NR2F2: variants seen among roughly 807,000 people sequenced by gnomAD.
NR2F2 encodes the protein COUP transcription factor 2.
A neutral mutation model predicts 34.8 loss-of-function variants in NR2F2; 2 were observed. That is an observed-to-expected ratio of 0.06 (90% confidence interval 0.02 to 0.18). The LOEUF (loss-of-function observed/expected upper bound fraction) is 0.18, where lower values mean the gene tolerates loss of function less well. Ranked by LOEUF, NR2F2 falls within the 10% of genes least tolerant of loss-of-function variation. The pLI, the probability that NR2F2 is intolerant of heterozygous loss-of-function variation, is 1.00. For synonymous variants in NR2F2, 274 were observed against 251.8 expected (o/e 1.09, Z -0.84); for missense variants, 300 against 580.1 (o/e 0.52, Z 4.96).
chr15:96,336,052 G>T (rs967954877), intron 2 of NR2F2, among the ~76,000 whole-genome samples: 5 of 152,084 alleles, frequency 3.3e-5, no homozygotes, highest in African/African-American at 7.2e-5. Flanking sequence ...CTTCACCCCT[G>T]TCCCACAACC....
chr15:96,332,179 A>G lies in NR2F2; in HGVS notation c.74A>G (p.Gln25Arg). The G allele has an allele frequency of 1.5e-6, 2 of 1,329,992 alleles. No homozygotes were observed. Among genetic ancestry groups the G allele is most frequent in the Non-Finnish European group, 1.9e-6 (2 of 1,042,782 alleles). The allele number at this position is 1,329,992 out of a possible 1,614,324, so 82.4% of individuals were successfully genotyped here. ...GGCTCACAGGGCAGCCAGGCCTCGC[A>G]GGCGCCGCCCGTGCCCGGCCCGCCG... is the stretch of plus-strand genomic sequence containing the variant. ...VPGSQGSQASQAPPVPGPPPG... is the reference protein window; with the variant it reads ...VPGSQGSQASRAPPVPGPPPG... Residue 25 changes from glutamine (Q) to arginine (R), a missense_variant, in exon 1 of 3, where the codon CAG becomes CGG. Around this residue, in one of 6 missense-constraint regions of NR2F2, gnomAD observed 105 missense variants for 107.8 expected, o/e 0.97. Transcript: ENST00000394166.
chr15:96,332,583 G>T, intron 1 of NR2F2, 36 bp downstream of exon 1: 1 of 1,596,002 alleles, frequency 6.3e-7, no homozygotes, highest in African/African-American at 1.3e-5. Flanking sequence ...CTCGTCCTGG[G>T]TCCCGGGGTC....
rs1011515266 is a variant in NR2F2, at chr15:96,340,068, T to A, written c.*2446T>A. On this transcript the variant is annotated 3_prime_UTR_variant, in exon 3 of 3. Coordinates refer to ENST00000394166, the MANE Select transcript of NR2F2 (RefSeq NM_021005.4). The stretch of plus-strand genomic sequence containing the variant: ...ACGGCACAGTATTGCTGACCTTTAG[T>A]TCGAGGTTTTGTCGGTTGTTGTTGA... 6.6e-6 allele frequency: 1 copy of A among 152,202 alleles called. No homozygotes were observed. The highest frequency in any genetic ancestry group is 1.5e-5 in the Non-Finnish European group (1 of 68,042). The allele number at this position is 152,202 out of a possible 1,614,324, so 9.4% of individuals were successfully genotyped here. A position where few individuals can be genotyped will look rare whatever the true frequency, so the allele number is the denominator to read the frequency against.
In NR2F2 at chr15:96,331,982, GCCCTCTTGCA is replaced by G; in HGVS notation, c.-118_-109del. On this transcript the variant is annotated 5_prime_UTR_variant, in exon 1 of 3. Coordinates refer to ENST00000394166, the MANE Select transcript of NR2F2 (RefSeq NM_021005.4). The stretch of plus-strand genomic sequence containing the variant: ...CGAGCCACCCGGGGCGCCCTCCCGC[GCCCTCTTGCA>G]CCCTCGCACACACAAAAGGCGGCGC... 1 of 1,205,842 alleles carries G rather than the reference GCCCTCTTGCA, an allele frequency of 8.3e-7. No homozygotes were observed. Among genetic ancestry groups the G allele is most frequent in the South Asian group, 4.0e-5 (1 of 24,920 alleles). The allele number at this position is 1,205,842 out of a possible 1,614,324, so 74.7% of individuals were successfully genotyped here.
At position 96,338,510 on chromosome 15, in the gene NR2F2, A is replaced by T. The variant is rs956869300; in HGVS notation, c.*888A>T. 1 of 152,600 alleles carries T rather than the reference A, an allele frequency of 6.6e-6. No homozygotes were observed. The allele number at this position is 152,600 out of a possible 1,614,324, so 9.5% of individuals were successfully genotyped here. ...GTTCTTGAATTGTTATGAAAATCCT[A>T]TATCTGTTTGTATATTTGCAAACCC... On this transcript the variant is annotated 3_prime_UTR_variant, in exon 3 of 3. Coordinates refer to ENST00000394166, the MANE Select transcript of NR2F2 (RefSeq NM_021005.4).
Position 96,334,488 on chromosome 15 carries a change from G to A in NR2F2, c.855G>A (p.Val285=), listed in dbSNP as rs759562272. 3 of 1,613,990 alleles carry A rather than the reference G, an allele frequency of 1.9e-6. No individual in the cohort carries two copies. In the East Asian group the frequency reaches 6.7e-5, roughly 36 times the overall value. ...LHASPMSADR[V]VAFMDHIRIF... ...CTTCGCCCATGTCCGCCGACCGGGT[G>A]GTCGCCTTTATGGACCACATACGGA... Residue 285 remains valine (V), a synonymous_variant, in exon 2 of 3, where the codon GTG becomes GTA. Transcript: ENST00000394166.
Position 96,334,158 on chromosome 15 carries a change from C to G in NR2F2, c.525C>G (p.His175Gln). ...CCAACGGGGATCCCCTCAACTGCCA[C>G]TCGTACCTGTCCGGATATATTTCCC... is the stretch of plus-strand genomic sequence containing the variant. ...ALTNGDPLNC[H>Q]SYLSGYISLL... is the part of the protein sequence containing the mutation. The change falls in exon 2 of 3, where the codon CAC becomes CAG. Residue 175 changes from histidine (H) to glutamine (Q), a missense_variant. This residue lies in a region of NR2F2 where 164 missense variants were observed against 365.3 expected (regional missense o/e 0.45). Coordinates refer to ENST00000394166, the MANE Select transcript of NR2F2 (RefSeq NM_021005.4). The G allele has an allele frequency of 6.2e-7, 1 of 1,614,092 alleles. No homozygotes were observed. The highest frequency in any genetic ancestry group is 1.1e-5 in the South Asian group (1 of 91,090).
At chr15:96,333,330 C>G in intron 1 of NR2F2, 2 of 1,001,468 alleles carry the variant, frequency 2.0e-6, no homozygotes, top group Non-Finnish European at 2.4e-6. Context: ...TCTGCGAGAG[C>G]GACTCTCCCG....
In NR2F2 at chr15:96,334,463, C is replaced by G. The variant is rs747987863; in HGVS notation, c.830C>G (p.Ala277Gly). 1 of 1,614,038 alleles carries G rather than the reference C, an allele frequency of 6.2e-7. No homozygotes were observed. Among genetic ancestry groups the G allele is most frequent in the Non-Finnish European group, 8.5e-7 (1 of 1,180,004 alleles). Residue 277 changes from alanine to glycine, a missense_variant, in exon 2 of 3, where the codon GCT becomes GGT. Ala to Gly is a moderately conservative substitution (Grantham distance 60). Transcript: ENST00000394166. Reference protein sequence around the residue: ...APLLAAAGLHASPMSADRVVA... With the variant: ...APLLAAAGLHGSPMSADRVVA... ...CTCCTGGCCGCCGCCGGCCTGCATGCTTCGCCCATGTCCGCCGACCGGGTG... is the reference window on the plus strand; with the variant it reads ...CTCCTGGCCGCCGCCGGCCTGCATGGTTCGCCCATGTCCGCCGACCGGGTG...
intron 2 of NR2F2, among the ~76,000 whole-genome samples, chr15:96,336,304 C>T (rs1411100918): frequency 1.3e-5 from 2 of 152,130 alleles, no homozygotes; most frequent in East Asian, 1.9e-4. Context: ...CCGAGGATGC[C>T]GAGGGAAGGA....
intron 2 of NR2F2, among the ~76,000 whole-genome samples, chr15:96,336,163 A>G (rs1291005148): frequency 6.6e-6 from 1 of 152,140 alleles, no homozygotes; most frequent in East Asian, 1.9e-4. Context: ...GGAAAAAAAA[A>G]TGCCTGATAC....
At chr15:96,336,189 A>G (rs1351350539) in intron 2 of NR2F2, among the ~76,000 whole-genome samples, 2 of 152,180 alleles carry the variant, frequency 1.3e-5, no homozygotes, top group Non-Finnish European at 2.9e-5. Flanking sequence ...TTAACAGTTT[A>G]ATTTATGACT....
chr15:96,329,525 A>G (rs1185842410), upstream of NR2F2, among the ~76,000 whole-genome samples: 1 of 152,210 alleles, frequency 6.6e-6, no homozygotes, highest in Non-Finnish European at 1.5e-5. Flanking sequence ...TTTAATGACT[A>G]TATGAATGCT....
At position 96,334,542 on chromosome 15, in the gene NR2F2, G is replaced by A; in HGVS notation, c.909G>A (p.Lys303=). ...TCCAAGAGCAAGTGGAGAAGCTCAA[G>A]GCGCTGCACGTTGACTCAGCCGAGT... ...RIFQEQVEKL[K]ALHVDSAEYS... is the part of the protein sequence containing the mutation. Residue 303 remains lysine (K), a synonymous_variant, in exon 2 of 3, where the codon AAG becomes AAA. Coordinates refer to ENST00000394166, the MANE Select transcript of NR2F2 (RefSeq NM_021005.4). The A allele has an allele frequency of 6.2e-7, 1 of 1,613,376 alleles. No individual in the cohort carries two copies. The highest frequency in any genetic ancestry group is 1.3e-5 in the African/African-American group (1 of 75,062).
intron 2 of NR2F2, among the ~76,000 whole-genome samples, 165 bp downstream of exon 2, chr15:96,334,768 C>T (rs1199146894): frequency 2.0e-5 from 3 of 152,270 alleles, no homozygotes; most frequent in Non-Finnish European, 4.4e-5. Context: ...CACTACCAGG[C>T]CTGTCCTGGG....
intron 1 of NR2F2, chr15:96,333,872 C>G: frequency 7.0e-7 from 1 of 1,430,658 alleles, no homozygotes; most frequent in Non-Finnish European, 9.1e-7. Context: ...GTGTGCCCCT[C>G]TGGCCCTCAG....
chr15:96,331,573 C>T lies in NR2F2; in HGVS notation c.-533C>T. 1.6e-6 allele frequency: 2 copies of T among 1,220,028 alleles called. No individual in the cohort carries two copies. Among genetic ancestry groups the T allele is most frequent in the Non-Finnish European group, 2.0e-6 (2 of 982,460 alleles). 75.6% of individuals were successfully genotyped at this position (1,220,028 alleles called of 1,614,324 possible). On this transcript the variant is annotated 5_prime_UTR_variant, in exon 1 of 3. Coordinates refer to ENST00000394166, the MANE Select transcript of NR2F2 (RefSeq NM_021005.4). ...ACCTCCTCCTTCACCACCACCTCCT[C>T]TTCCTCCTCCTCCTCCTCCTCCTCC...
Position 96,331,665 on chromosome 15 carries a change from T to TGAGAGC in NR2F2, c.-437_-432dup, listed in dbSNP as rs1899147777. 8.9e-7 allele frequency: 1 copy of TGAGAGC among 1,125,922 alleles called. No homozygotes were observed. Among genetic ancestry groups the TGAGAGC allele is most frequent in the African/African-American group, 1.6e-5 (1 of 61,126 alleles). 69.7% of individuals were successfully genotyped at this position (1,125,922 alleles called of 1,614,324 possible). A position where few individuals can be genotyped will look rare whatever the true frequency, so the allele number is the denominator to read the frequency against. On this transcript the variant is annotated 5_prime_UTR_variant, in exon 1 of 3. Coordinates refer to ENST00000394166, the MANE Select transcript of NR2F2 (RefSeq NM_021005.4). ...GTGAACGAGAGAGGGAGGGAGAGAG[T>TGAGAGC]GAGAGCGAGCGAGATCTTTGGAGAG...
chr15:96,331,291 G>A lies in NR2F2; in HGVS notation c.-815G>A, dbSNP rs1054064821. 5.0e-5 allele frequency: 53 copies of A among 1,067,440 alleles called. No individual in the cohort carries two copies. The highest frequency in any genetic ancestry group is 4.2e-4 in the Middle Eastern group (1 of 2,380). The allele number at this position is 1,067,440 out of a possible 1,614,324, so 66.1% of individuals were successfully genotyped here. On this transcript the variant is annotated 5_prime_UTR_variant, in exon 1 of 3. Transcript: ENST00000394166. ...CCGGACGCCCGGGGCAGGCGGCGGCGGCGGCGGCCCAGCGCCAGGACGACG... is the reference window on the plus strand; with the variant it reads ...CCGGACGCCCGGGGCAGGCGGCGGCAGCGGCGGCCCAGCGCCAGGACGACG...
Sources: gnomAD v4.1 joint callset for allele counts (sites outside exome capture counted in the v4.1 genomes callset) on GRCh38, gnomAD v4.1.1 for gene constraint, gnomAD v4.1.1 regional missense constraint, MANE v1.5 for transcripts, NCBI Gene and HGNC (gene_info 2026-07-23, HGNC 2026-07-21) for gene names.